Variants in DDIAS observed in about 807,000 individuals in gnomAD.
DDIAS encodes DNA damage-induced apoptosis suppressor protein.
A neutral mutation model predicts 15.7 loss-of-function variants in DDIAS; 14 were observed. The ratio of observed to expected loss-of-function variants is 0.89; its 90% confidence interval spans 0.59 to 1.39. The LOEUF is 1.39. DDIAS is among the 40% of genes most tolerant of loss of function. DDIAS has a pLI of 0.00. For synonymous variants in DDIAS, 355 were observed against 395.9 expected (o/e 0.90, Z 1.23); for missense variants, 1,035 against 1,130.9 (o/e 0.92, Z 1.22).
chr11:82,930,122 A>G (rs1860951706), intron 4 of DDIAS, 35 bp from the exon 5 acceptor site: 3 of 1,290,308 alleles, frequency 2.3e-6, no homozygotes, highest in Non-Finnish European at 3.3e-6. Flanking sequence ...TTCAAAGTTC[A>G]TTGCTTCACA....
At chr11:82,918,487 A>T (rs1860677900) in intron 3 of DDIAS, among the ~76,000 whole-genome samples, 1 of 152,226 alleles carries the variant, frequency 6.6e-6, no homozygotes, top group Non-Finnish European at 1.5e-5. Context: ...ATGGCCTTAT[A>T]GTACAGTTTG....
At chr11:82,910,453 T>C (rs1260588825) in intron 1 of DDIAS, among the ~76,000 whole-genome samples, 1 of 151,928 alleles carries the variant, frequency 6.6e-6, no homozygotes, top group Non-Finnish European at 1.5e-5. Context: ...ATATTTTTGA[T>C]AGAGATGGGG....
intron 3 of DDIAS, among the ~76,000 whole-genome samples, chr11:82,923,814 A>T (rs1042643579): frequency 1.3e-5 from 2 of 152,222 alleles, no homozygotes; most frequent in African/African-American, 4.8e-5. Context: ...ACATACATCT[A>T]TAAAAAAAAA....
At chr11:82,922,090 A>T (rs1169847934) in intron 3 of DDIAS, among the ~76,000 whole-genome samples, 1 of 152,116 alleles carries the variant, frequency 6.6e-6, no homozygotes, top group African/African-American at 2.4e-5. Context: ...TGTTAATCGG[A>T]TAGGTTTTCC....
At chr11:82,905,756 A>G (rs754552831) in intron 1 of DDIAS, among the ~76,000 whole-genome samples, 24 of 152,168 alleles carry the variant, frequency 1.6e-4, no homozygotes, top group Non-Finnish European at 2.9e-4. Context: ...CAATCACACT[A>G]TCCCCACCTA....
chr11:82,913,785 T>C, intron 2 of DDIAS: 1 of 403,762 alleles, frequency 2.5e-6, no homozygotes, highest in Non-Finnish European at 4.9e-6. Context: ...TTATCTGAAA[T>C]GTTTGGGTCC....
At chr11:82,925,061 A>C (rs1565248482) in intron 3 of DDIAS, among the ~76,000 whole-genome samples, 1 of 152,214 alleles carries the variant, frequency 6.6e-6, no homozygotes, top group Non-Finnish European at 1.5e-5. Flanking sequence ...CAGATTGAGC[A>C]GAGAAGCAGA....
chr11:82,921,264 T>A lies in DDIAS; in HGVS notation c.113+6413T>A, dbSNP rs544002175. ...TACTTGATGTTTATGTGAGTCCTTA[T>A]GTGTTAGGTGAGTCTCCTGAAGGCA... On this transcript the variant is annotated intron_variant, in intron 3 of 5. Transcript: ENST00000533655. Among the ~76,000 whole-genome samples, 18 of 152,310 alleles carry A rather than the reference T, an allele frequency of 1.2e-4. No homozygotes were observed. The East Asian group carries it at 3.5e-3, about 29-fold the overall frequency.
At chr11:82,913,779 C>T (rs1271265752) in intron 2 of DDIAS, 1 of 405,678 alleles carries the variant, frequency 2.5e-6, no homozygotes, top group East Asian at 7.3e-5. Context: ...TATACCTTAT[C>T]TGAAATGTTT....
Position 82,934,572 on chromosome 11 carries a change from T to C in DDIAS, c.*237T>C. 1 of 378,562 alleles carries C rather than the reference T, an allele frequency of 2.6e-6. No individual in the cohort carries two copies. The highest frequency in any genetic ancestry group is 4.7e-6 in the Non-Finnish European group (1 of 215,034). 23.5% of individuals were successfully genotyped at this position (378,562 alleles called of 1,614,324 possible). A position where few individuals can be genotyped will look rare whatever the true frequency, so the allele number is the denominator to read the frequency against. On this transcript the variant is annotated 3_prime_UTR_variant, in exon 6 of 6. Coordinates refer to ENST00000533655, the MANE Select transcript of DDIAS (RefSeq NM_145018.4). ...TTATCTTATACTGTTTATTGTACTT[T>C]AATAATATTGTTAAGATTGTTTTTG...
chr11:82,919,080 CCTTT>C (rs1298870805), intron 3 of DDIAS, among the ~76,000 whole-genome samples: 3 of 152,072 alleles, frequency 2.0e-5, no homozygotes, highest in Non-Finnish European at 4.4e-5. Context: ...ATTTAGATGC[CCTTT>C]CTTTCTTTCT....
intron 1 of DDIAS, among the ~76,000 whole-genome samples, chr11:82,910,777 G>A (rs1040626666): frequency 2.0e-5 from 3 of 151,772 alleles, no homozygotes; most frequent in African/African-American, 7.3e-5. Flanking sequence ...TACCACGCCT[G>A]ACTAATTTTT....
intron 3 of DDIAS, among the ~76,000 whole-genome samples, chr11:82,921,671 C>A (rs149675773): frequency 6.7e-6 from 1 of 150,040 alleles, no homozygotes; most frequent in South Asian, 2.1e-4. Flanking sequence ...TCCGCCCCCC[C>A]AGGTTCAAGC....
chr11:82,909,481 C>G (rs1400574658), intron 1 of DDIAS: 1 of 152,218 alleles, frequency 6.6e-6, no homozygotes, highest in Non-Finnish European at 1.5e-5. Flanking sequence ...CTTCATTTTA[C>G]CCAGCCTCTA....
At chr11:82,927,947 C>G (rs1049455495) in intron 3 of DDIAS, among the ~76,000 whole-genome samples, 2 of 152,154 alleles carry the variant, frequency 1.3e-5, no homozygotes, top group African/African-American at 4.8e-5. Context: ...TAGAGTTACA[C>G]TGCCATGTAG....
chr11:82,921,571 C>CTTTTTTTTTTTTTTTTTTT (rs968751055), intron 3 of DDIAS, among the ~76,000 whole-genome samples: 13 of 78,124 alleles, frequency 1.7e-4, no homozygotes, highest in Non-Finnish European at 2.6e-4. Flanking sequence ...TTCTTTCTTT[C>CTTTTTTTTTTTTTTTTTTT]TTTTTTTTTT....
intron 1 of DDIAS, among the ~76,000 whole-genome samples, chr11:82,902,436 A>C (rs917700613): frequency 7.0e-6 from 1 of 142,596 alleles, no homozygotes; most frequent in Non-Finnish European, 1.5e-5. Context: ...CAATCTTGCT[A>C]CCTTCCAGTC....
chr11:82,911,918 T>C (rs1053119876), intron 1 of DDIAS, among the ~76,000 whole-genome samples: 1 of 152,220 alleles, frequency 6.6e-6, no homozygotes, highest in Admixed American at 6.5e-5. Flanking sequence ...TCATCAGAGC[T>C]CTTGGGTGAC....
At chr11:82,912,346 A>T (rs1488116561) in intron 1 of DDIAS, among the ~76,000 whole-genome samples, 1 of 152,172 alleles carries the variant, frequency 6.6e-6, no homozygotes, top group African/African-American at 2.4e-5. Flanking sequence ...ACTTATCTTA[A>T]CTAGATCTTT....
Sources: allele counts gnomAD v4.1 joint callset (sites outside exome capture counted in the v4.1 genomes callset), GRCh38; gene constraint gnomAD v4.1.1; transcripts MANE v1.5; gene names NCBI Gene and HGNC (gene_info 2026-07-23, HGNC 2026-07-21).